Variants in MAPK6 observed in about 807,000 individuals in gnomAD.
MAPK6 encodes the protein mitogen-activated protein kinase 6, also known as ERK-3.
In MAPK6, 19 loss-of-function variants were observed where a neutral mutation model predicts 59.3. The ratio of observed to expected loss-of-function variants is 0.32; its 90% CI spans 0.22 to 0.47. MAPK6 has a LOEUF of 0.47. Ranked by LOEUF, MAPK6 falls within the 20% of genes least tolerant of loss-of-function variation. The pLI is 1.00. For synonymous variants in MAPK6, 316 were observed against 290.3 expected, an observed-to-expected ratio of 1.09 and a Z score of -0.90; for missense variants, 724 against 847.9, an observed-to-expected ratio of 0.85 and a Z score of 1.81.
chr15:52,000,806 A>C (rs1419617843), intron 2 of MAPK6, among the ~76,000 whole-genome samples: 1 of 152,148 alleles, frequency 6.6e-6, no homozygotes, highest in Non-Finnish European at 1.5e-5. Flanking sequence ...TTTCAAAAAA[A>C]AAAAAAATTC....
chr15:51,994,905 C>A (rs2141819485), intron 2 of MAPK6, among the ~76,000 whole-genome samples: 1 of 152,310 alleles, frequency 6.6e-6, no homozygotes, highest in Non-Finnish European at 1.5e-5. Flanking sequence ...TCTAAGGAAC[C>A]ATTCAAGATT....
intron 1 of MAPK6, among the ~76,000 whole-genome samples, chr15:51,979,169 A>G (rs1330521886): frequency 7.4e-5 from 11 of 149,214 alleles, no homozygotes; most frequent in Admixed American, 5.3e-4. Flanking sequence ...AGAAGGAAGG[A>G]AAGGAAGGAA....
intron 2 of MAPK6, among the ~76,000 whole-genome samples, chr15:51,990,250 T>A (rs574210002): frequency 1.5e-4 from 23 of 152,184 alleles, no homozygotes; most frequent in African/African-American, 5.5e-4. Flanking sequence ...GGGAAAAAAA[T>A]ACAACAAAGT....
At position 52,063,937 on chromosome 15, in the gene MAPK6, CTGTACA is replaced by C; in HGVS notation, c.1105_1110del (p.Val369_His370del). Reference sequence around the variant, plus strand: ...TGTCAGTTTTCAGAGCATGATTGGCCTGTACATAACAACTTTGATATTGATGAAGTT... The same window carrying C: ...TGTCAGTTTTCAGAGCATGATTGGCCTAACAACTTTGATATTGATGAAGTT... On this transcript the variant is annotated inframe_deletion, in exon 6 of 6. Transcript: ENST00000261845. The C allele has an allele frequency of 6.3e-7, 1 of 1,585,312 alleles. No individual in the cohort carries two copies.
chr15:52,046,620 A>G lies in MAPK6; in HGVS notation c.160A>G (p.Thr54Ala). ...AGTAGCCATCAAGAAAATTGTCCTTACTGATCCCCAGAGTGTCAAACATGC... is the reference window on the plus strand; with the variant it reads ...AGTAGCCATCAAGAAAATTGTCCTTGCTGATCCCCAGAGTGTCAAACATGC... ...KRVAIKKIVL[T>A]DPQSVKHALR... Residue 54 changes from threonine (T) to alanine (A), a missense_variant, in exon 2 of 6, where the codon ACT becomes GCT. Thr to Ala is a moderately conservative substitution (Grantham distance 58). This residue lies in a region of MAPK6 where 87 missense variants were observed against 93.0 expected (regional missense o/e 0.93). Transcript: ENST00000261845. 1 of 1,614,168 alleles carries G rather than the reference A, an allele frequency of 6.2e-7. No homozygotes were observed. Among genetic ancestry groups the G allele is most frequent in the Non-Finnish European group, 8.5e-7 (1 of 1,180,012 alleles).
chr15:52,058,174 A>T (rs1421152372), intron 3 of MAPK6, among the ~76,000 whole-genome samples: 1 of 151,720 alleles, frequency 6.6e-6, no homozygotes. Context: ...ACAACCTAGA[A>T]ATGCTAACTG....
intron 1 of MAPK6, among the ~76,000 whole-genome samples, chr15:52,035,836 C>G (rs750298198): frequency 3.9e-5 from 6 of 152,114 alleles, no homozygotes; most frequent in Non-Finnish European, 8.8e-5. Context: ...ATGGTCTCTT[C>G]CCTTCTAAAG....
chr15:51,987,907 A>G (rs2141813837), intron 2 of MAPK6, among the ~76,000 whole-genome samples: 1 of 151,822 alleles, frequency 6.6e-6, no homozygotes, highest in South Asian at 2.1e-4. Flanking sequence ...CTGGGATTAC[A>G]GGCGCACGCC....
intron 1 of MAPK6, among the ~76,000 whole-genome samples, chr15:52,044,252 C>A (rs2031530628): frequency 6.6e-6 from 1 of 151,972 alleles, no homozygotes; most frequent in Non-Finnish European, 1.5e-5. Flanking sequence ...GTTTCTGTTA[C>A]AGTAAAATAA....
chr15:52,011,132 G>T (rs1323642017), intron 3 of MAPK6: 1 of 152,162 alleles, frequency 6.6e-6, no homozygotes, highest in African/African-American at 2.4e-5. Context: ...CTACGGGAAC[G>T]TTGCCAGCTG....
intron 2 of MAPK6, among the ~76,000 whole-genome samples, chr15:52,000,476 G>C (rs1224109721): frequency 6.6e-6 from 1 of 151,954 alleles, no homozygotes; most frequent in Non-Finnish European, 1.5e-5. Context: ...TTTGCATGTG[G>C]CTATTCTTTT....
At chr15:52,013,072 A>G (rs1164601067) in intron 3 of MAPK6, among the ~76,000 whole-genome samples, 5 of 129,698 alleles carry the variant, frequency 3.9e-5, no homozygotes, top group Admixed American at 3.2e-4. Context: ...ACACAAGACT[A>G]AAGAGGGGAA....
chr15:51,990,413 G>A (rs2057204441), intron 2 of MAPK6, among the ~76,000 whole-genome samples: 2 of 152,322 alleles, frequency 1.3e-5, no homozygotes, highest in East Asian at 1.9e-4. Context: ...ATAAAAATAT[G>A]ATTGCATTCA....
At chr15:51,996,584 C>T (rs866493015) in intron 2 of MAPK6, among the ~76,000 whole-genome samples, 6 of 151,640 alleles carry the variant, frequency 4.0e-5, no homozygotes, top group South Asian at 2.1e-4. Context: ...TTAGTAGAAA[C>T]GAGGTTTCGC....
chr15:52,041,982 T>G (rs2031436241), intron 1 of MAPK6, among the ~76,000 whole-genome samples: 1 of 152,224 alleles, frequency 6.6e-6, no homozygotes, highest in African/African-American at 2.4e-5. Flanking sequence ...TACTCACCAT[T>G]TTATCCCCAT....
chr15:52,024,282 G>T (rs888492629), intron 1 of MAPK6, among the ~76,000 whole-genome samples: 1 of 152,150 alleles, frequency 6.6e-6, no homozygotes, highest in Non-Finnish European at 1.5e-5. Flanking sequence ...TACTGAAAGT[G>T]TGATTTCTGG....
At chr15:52,016,107 C>CACACACACACACACACACACAAAAA (rs1267339787), upstream of MAPK6, among the ~76,000 whole-genome samples, 6 of 136,210 alleles carry the variant, frequency 4.4e-5, no homozygotes, top group Non-Finnish European at 6.3e-5. Context: ...CACACACACA[C>CACACACACACACACACACACAAAAA]AAACTAAAAC....
intron 2 of MAPK6, among the ~76,000 whole-genome samples, chr15:51,987,973 C>A (rs546925415): frequency 6.6e-6 from 1 of 152,156 alleles, no homozygotes; most frequent in South Asian, 2.1e-4. Context: ...CTCATGTTGG[C>A]CAGGCTGTTC....
chr15:51,994,110 G>A (rs1177390062), intron 2 of MAPK6, among the ~76,000 whole-genome samples: 6 of 151,960 alleles, frequency 3.9e-5, no homozygotes, highest in Non-Finnish European at 4.4e-5. Context: ...ACAGGCATTC[G>A]CCAACATGCC....
Sources: allele counts gnomAD v4.1 joint callset (sites outside exome capture counted in the v4.1 genomes callset), GRCh38; gene constraint gnomAD v4.1.1; regional missense constraint gnomAD v4.1.1; transcripts MANE v1.5; gene names NCBI Gene and HGNC (gene_info 2026-07-23, HGNC 2026-07-21).